The following GPC3 variants were observed in gnomAD, a reference collection of about 807,000 sequenced individuals.
GPC3 encodes the protein glypican-3.
GPC3 carries 3 observed loss-of-function variants against 34.4 expected under a neutral mutation model. The observed-to-expected ratio is 0.09, with a 90% confidence interval of 0.04 to 0.23. The LOEUF (loss-of-function observed/expected upper bound fraction) is 0.23. Among genes scored for constraint, GPC3 ranks in the 10% least tolerant of loss-of-function variants. GPC3 has a pLI of 1.00. For synonymous variants in GPC3, 177 were observed against 174.0 expected, an observed-to-expected ratio of 1.02 and a Z score of -0.13; for missense variants, 351 against 445.6, an observed-to-expected ratio of 0.79 and a Z score of 1.91.
Position 133,753,465 on chromosome X carries a change from T to G in GPC3, c.1032+17A>C, listed in dbSNP as rs1176853898. The G allele has an allele frequency of 1.7e-6, 2 of 1,171,775 alleles. No homozygotes were observed. Among genetic ancestry groups the G allele is most frequent in the Non-Finnish European group, 2.3e-6 (2 of 860,639 alleles). ...AATAAGGCCCAAATCCTCTGACAAC[T>G]GTAGACTGGTACTCACAGTGGTGGT... is the stretch of plus-strand genomic sequence containing the variant. On this transcript the variant is annotated intron_variant, in intron 3 of 7. Transcript: ENST00000370818.
At position 133,862,201 on chromosome X, in the gene GPC3, T is replaced by C. The variant is rs749272317; in HGVS notation, c.337+90849A>G. Among the ~76,000 whole-genome samples, 4 of 110,695 alleles carry C rather than the reference T, an allele frequency of 3.6e-5. No individual in the cohort carries two copies. In the East Asian group the frequency reaches 1.1e-3, roughly 31 times the overall value. ...TAATCTGCATATGCCAAAAAAATCA[T>C]TTACCAGGCTCCTCCCACTACAGAA... On this transcript the variant is annotated intron_variant, in intron 2 of 7. Transcript: ENST00000370818.
chrX:133,605,128 A>G (rs2070032618), intron 6 of GPC3, among the ~76,000 whole-genome samples: 1 of 109,080 alleles, frequency 9.2e-6, no homozygotes, highest in Non-Finnish European at 1.9e-5. Flanking sequence ...CCAGAACCCA[A>G]ATGTATAGGC....
At position 133,784,504 on chromosome X, in the gene GPC3, G is replaced by A. The variant is rs368686198; in HGVS notation, c.338-30328C>T. On this transcript the variant is annotated intron_variant, in intron 2 of 7. Transcript: ENST00000370818. ...CAGAGCTGATTTCAAAGTTACCACT[G>A]TTCTTAAGTCAAAGGTCACAGGCCA... is the stretch of plus-strand genomic sequence containing the variant. Among the ~76,000 whole-genome samples the A allele has an allele frequency of 2.7e-5, 3 of 111,288 alleles. No individual in the cohort carries two copies. The Admixed American group carries it at 2.9e-4, about 11-fold the overall frequency.
At chrX:133,692,757 A>G (rs2071076935) in intron 4 of GPC3, among the ~76,000 whole-genome samples, 2 of 112,397 alleles carry the variant, frequency 1.8e-5, no homozygotes, top group Non-Finnish European at 3.8e-5. Context: ...ATTTTCTAAG[A>G]CGTTCCACTT....
Position 133,850,189 on chromosome X carries a change from G to GTTTTTTTTTTTTTTTTTTTTTTTTT in GPC3, c.338-96014_338-96013insAAAAAAAAAAAAAAAAAAAAAAAAA, listed in dbSNP as rs1282213093. 4.1e-5 allele frequency among the ~76,000 whole-genome samples: 3 copies of GTTTTTTTTTTTTTTTTTTTTTTTTT among 72,678 alleles called. 1 individual carries two copies. The highest frequency in any genetic ancestry group is 2.4e-5 in the Non-Finnish European group (1 of 41,977). The allele number at this position is 72,678 out of a possible 115,157, so 63.1% of individuals were successfully genotyped here. The stretch of plus-strand genomic sequence containing the variant: ...GGTATTTTTTTTGTTTGTTTTTTGG[G>GTTTTTTTTTTTTTTTTTTTTTTTTT]TTTTGTTTTTTTTTTTTTTTTTTTG... On this transcript the variant is annotated intron_variant, in intron 2 of 7. Transcript: ENST00000370818.
intron 7 of GPC3, among the ~76,000 whole-genome samples, chrX:133,540,957 C>T (rs1301704703): frequency 1.5e-4 from 15 of 98,944 alleles, no homozygotes; most frequent in East Asian, 3.2e-4. Context: ...TGTGTGTGTG[C>T]GCGCACTGTG....
At chrX:133,925,153 A>T (rs988228654) in intron 2 of GPC3, among the ~76,000 whole-genome samples, 7 of 107,996 alleles carry the variant, frequency 6.5e-5, no homozygotes, top group African/African-American at 2.4e-4. Flanking sequence ...CAAGCAGAAG[A>T]TGTGTGAGCA....
intron 2 of GPC3, among the ~76,000 whole-genome samples, chrX:133,856,351 C>T (rs746988471): frequency 2.3e-4 from 26 of 110,892 alleles, no homozygotes; most frequent in African/African-American, 7.9e-4. Context: ...CTTTTATTTG[C>T]ATTTCCCTAA....
At chrX:133,886,937 A>G (rs1237956600) in intron 2 of GPC3, among the ~76,000 whole-genome samples, 1 of 112,836 alleles carries the variant, frequency 8.9e-6, no homozygotes, top group African/African-American at 3.2e-5. Flanking sequence ...TCAACATACT[A>G]ATATCAAATG....
chrX:133,616,843 G>A (rs1019815794), intron 6 of GPC3, among the ~76,000 whole-genome samples: 63 of 108,454 alleles, frequency 5.8e-4, no homozygotes, highest in African/African-American at 2.1e-3. Context: ...GACTACAGGT[G>A]CCCGCCACCT....
At chrX:133,872,418 T>C (rs2075997643) in intron 2 of GPC3, among the ~76,000 whole-genome samples, 1 of 112,018 alleles carries the variant, frequency 8.9e-6, no homozygotes, top group African/African-American at 3.2e-5. Flanking sequence ...CATTCCTGTT[T>C]TTGTAAGTGT....
At chrX:133,821,635 A>T (rs1004988855) in intron 2 of GPC3, among the ~76,000 whole-genome samples, 3 of 111,534 alleles carry the variant, frequency 2.7e-5, no homozygotes, top group Non-Finnish European at 5.6e-5. Flanking sequence ...CATCCACATA[A>T]CAAAAGGTAA....
At chrX:133,982,384 T>A (rs1317078678) in intron 1 of GPC3, among the ~76,000 whole-genome samples, 1 of 111,730 alleles carries the variant, frequency 9.0e-6, no homozygotes, top group Non-Finnish European at 1.9e-5. Context: ...AAGTGGGGTA[T>A]GAAGAGATCT....
In GPC3 at chrX:133,975,770, A is replaced by T. The variant is rs111646892; in HGVS notation, c.175+9505T>A. On this transcript the variant is annotated intron_variant, in intron 1 of 7. Transcript: ENST00000370818. ...GTTGAAGTAAGAATAAATTTTAAAA[A>T]CTTTTAAATATTTATGCAGAAATGG... Among the ~76,000 whole-genome samples the T allele has an allele frequency of 7.5e-3, 840 of 112,222 alleles. 9 individuals are homozygous for T. Among genetic ancestry groups the T allele is most frequent in the African/African-American group, 0.025 (779 of 30,916 alleles).
intron 6 of GPC3, among the ~76,000 whole-genome samples, chrX:133,616,740 C>T (rs189441177): frequency 0.025 from 2,680 of 105,288 alleles, 43 homozygotes; most frequent in Non-Finnish European, 0.041. Flanking sequence ...CTCTGTCGCC[C>T]AGGCTGGAGT....
intron 7 of GPC3, among the ~76,000 whole-genome samples, chrX:133,552,638 C>T (rs983987723): frequency 8.9e-6 from 1 of 111,944 alleles, no homozygotes; most frequent in Non-Finnish European, 1.9e-5. Context: ...GATGGAGCAA[C>T]CAACTCAGCA....
At chrX:133,934,713 G>T (rs2076315787) in intron 2 of GPC3, among the ~76,000 whole-genome samples, 1 of 105,693 alleles carries the variant, frequency 9.5e-6, no homozygotes, top group African/African-American at 3.5e-5. Context: ...TATAGAGACG[G>T]GGTTTCGCCT....
intron 2 of GPC3, among the ~76,000 whole-genome samples, chrX:133,910,811 T>C (rs916488417): frequency 4.5e-5 from 5 of 112,016 alleles, no homozygotes; most frequent in African/African-American, 9.7e-5. Flanking sequence ...GTAACCCTAG[T>C]TGCTGATCAG....
rs114583982 is a variant in GPC3, at chrX:133,899,019, T to C, written c.337+54031A>G. On this transcript the variant is annotated intron_variant, in intron 2 of 7. Transcript: ENST00000370818. ...CCATTTGTATATGTTTGGTCTCAAC[T>C]TAGTAAACGGCTCAAAGGCACACAC... Among the ~76,000 whole-genome samples, 955 of 112,145 alleles carry C rather than the reference T, an allele frequency of 8.5e-3. 18 individuals are homozygous for C. Among genetic ancestry groups the C allele is most frequent in the African/African-American group, 0.03 (913 of 30,844 alleles).
Sources: allele counts gnomAD v4.1 joint callset (sites outside exome capture counted in the v4.1 genomes callset), GRCh38; gene constraint gnomAD v4.1.1; transcripts MANE v1.5; gene names NCBI Gene and HGNC (gene_info 2026-07-23, HGNC 2026-07-21).